RPN2: variants seen among roughly 807,000 people sequenced by gnomAD.
RPN2 encodes ribophorin II.
In RPN2, 29 loss-of-function variants were observed where a neutral mutation model predicts 71.4. The observed-to-expected ratio is 0.41, with a 90% CI of 0.30 to 0.55. The LOEUF is 0.55. RPN2 is among the 20% of genes least tolerant of loss of function. RPN2 has a pLI of 0.35. For synonymous variants in RPN2, 308 were observed against 305.0 expected (o/e 1.01, Z -0.10); for missense variants, 726 against 774.1 (o/e 0.94, Z 0.74).
chr20:37,196,660 G>A (rs755490126), intron 2 of RPN2, among the ~76,000 whole-genome samples: 9 of 152,098 alleles, frequency 5.9e-5, no homozygotes, highest in Admixed American at 3.9e-4. Context: ...GATTACAGGC[G>A]TGAGCCACTG....
intron 9 of RPN2, among the ~76,000 whole-genome samples, chr20:37,221,321 G>C (rs2067951852): frequency 6.6e-6 from 1 of 150,656 alleles, no homozygotes; most frequent in Non-Finnish European, 1.5e-5. Flanking sequence ...TCAGCCTCCT[G>C]AGTAGCTGGG....
At position 37,232,457 on chromosome 20, in the gene RPN2, C is replaced by T. The variant is rs2068279511; in HGVS notation, c.1677+66C>T. 1.1e-5 allele frequency: 17 copies of T among 1,573,570 alleles called. No homozygotes were observed. The East Asian group carries it at 2.9e-4, about 27-fold the overall frequency. ...CCAGACCCAGCAGATGCATTCCTTC[C>T]AAAGGAGGCTGTGTTGTCTGGCCTC... is the stretch of plus-strand genomic sequence containing the variant. On this transcript the variant is annotated intron_variant, in intron 14 of 16. Coordinates refer to ENST00000237530, the MANE Select transcript of RPN2 (RefSeq NM_002951.5).
chr20:37,198,364 A>G (rs368984507), intron 2 of RPN2, 33 bp from the exon 3 acceptor site: 146 of 1,614,044 alleles, frequency 9.0e-5, no homozygotes, highest in Non-Finnish European at 1.2e-4. Context: ...TACATGTGTC[A>G]CCACTTAACA....
chr20:37,207,129 C>T, intron 6 of RPN2, 144 bp from the exon 7 acceptor site: 1 of 685,744 alleles, frequency 1.5e-6, no homozygotes, highest in Non-Finnish European at 2.6e-6. Context: ...TTTGCGTTTT[C>T]TCCATCTACG....
Position 37,241,458 on chromosome 20 carries a change from T to C in RPN2, c.*143T>C. The C allele has an allele frequency of 1.0e-6, 1 of 991,184 alleles. No homozygotes were observed. The highest frequency in any genetic ancestry group is 2.3e-5 in the Admixed American group (1 of 42,914). The allele number at this position is 991,184 out of a possible 1,614,324, so 61.4% of individuals were successfully genotyped here. A position where few individuals can be genotyped will look rare whatever the true frequency, so the allele number is the denominator to read the frequency against. On this transcript the variant is annotated 3_prime_UTR_variant, in exon 17 of 17. Transcript: ENST00000237530. Reference sequence around the variant, plus strand: ...CAGATTGTAGTTATACTTTTGCTTGTTTTTCAGTTTCCCCAACACACAGCA... The same window carrying C: ...CAGATTGTAGTTATACTTTTGCTTGCTTTTCAGTTTCCCCAACACACAGCA...
intron 4 of RPN2, among the ~76,000 whole-genome samples, chr20:37,199,833 T>C (rs1384609366): frequency 6.6e-6 from 1 of 152,130 alleles, no homozygotes; most frequent in Admixed American, 6.6e-5. Context: ...ATATGTAGTT[T>C]TAAATTTTTA....
intron 15 of RPN2, 32 bp downstream of exon 15, chr20:37,234,127 C>A: frequency 2.5e-6 from 4 of 1,607,824 alleles, no homozygotes; most frequent in Non-Finnish European, 3.4e-6. Context: ...TTACCTGTAA[C>A]GTCCTCTGAC....
chr20:37,232,328 C>A lies in RPN2; in HGVS notation c.1614C>A (p.Pro538=), dbSNP rs778068662. 2 of 1,614,210 alleles carry A rather than the reference C, an allele frequency of 1.2e-6. No individual in the cohort carries two copies. The highest frequency in any genetic ancestry group is 1.7e-6 in the Non-Finnish European group (2 of 1,180,032). ...HLFREPEKRP[P]TVVSNTFTAL... is the part of the protein sequence containing the mutation. ...TCCGCGAGCCTGAGAAGAGGCCCCC[C>A]ACCGTGGTGTCCAATACATTCACTG... The change falls in exon 14 of 17, where the codon CCC becomes CCA. Residue 538 remains proline (P), a synonymous_variant. Transcript: ENST00000237530.
chr20:37,213,870 G>C lies in RPN2; in HGVS notation c.1092+5G>C. On this transcript the variant is annotated splice_donor_5th_base_variant and intron_variant, in intron 9 of 16. Transcript: ENST00000237530. ...TATATTGCAAATACCGTAGAGGTAG[G>C]TGTTTTTCTTTCCTTCCCATTGCCA... 6.2e-7 allele frequency: 1 copy of C among 1,605,026 alleles called. No individual in the cohort carries two copies. The highest frequency in any genetic ancestry group is 8.5e-7 in the Non-Finnish European group (1 of 1,171,618).
intron 1 of RPN2, among the ~76,000 whole-genome samples, chr20:37,182,240 C>T (rs1568956021): frequency 6.6e-6 from 1 of 151,776 alleles, no homozygotes; most frequent in Admixed American, 6.6e-5. Flanking sequence ...ATTACAGGCA[C>T]CCACCATCAC....
chr20:37,192,558 G>C (rs1017351999), intron 2 of RPN2, among the ~76,000 whole-genome samples: 4 of 152,202 alleles, frequency 2.6e-5, no homozygotes, highest in African/African-American at 4.8e-5. Flanking sequence ...CAAATATATA[G>C]TGAGTTTCTG....
Position 37,210,177 on chromosome 20 carries a change from T to G in RPN2, c.986+12T>G. 1.2e-6 allele frequency: 2 copies of G among 1,613,638 alleles called. No individual in the cohort carries two copies. The highest frequency in any genetic ancestry group is 1.7e-6 in the Non-Finnish European group (2 of 1,179,954). On this transcript the variant is annotated intron_variant, in intron 8 of 16. Transcript: ENST00000237530. ...TTCACCCCTGTAGGGTAAGTCCTGA[T>G]CATATTTTGGTGGGGCGCTGACCTC... is the stretch of plus-strand genomic sequence containing the variant.
At chr20:37,205,875 A>T (rs575653439) in intron 6 of RPN2, among the ~76,000 whole-genome samples, 1 of 152,184 alleles carries the variant, frequency 6.6e-6, no homozygotes, top group East Asian at 1.9e-4. Context: ...ATGATATTGT[A>T]CTTATACAAC....
chr20:37,228,977 C>CTTACT (rs67932634), intron 12 of RPN2, among the ~76,000 whole-genome samples: 1 of 6,558 alleles, frequency 1.5e-4, no homozygotes, highest in Non-Finnish European at 3.9e-4. Flanking sequence ...GAAGTATAAA[C>CTTACT]TTTGTGAGTG....
chr20:37,201,178 C>T (rs1240309265), intron 4 of RPN2, among the ~76,000 whole-genome samples: 1 of 151,108 alleles, frequency 6.6e-6, no homozygotes. Flanking sequence ...AACGGAGTTC[C>T]TTTTCTGGAC....
chr20:37,179,623 G>C lies in RPN2; in HGVS notation c.13+254G>C, dbSNP rs1156541671. ...CTACGGGTCGCCCCGAGGCTCAGCC[G>C]TGGGGACCGCGGACGCGCTTAGCCT... On this transcript the variant is annotated intron_variant, in intron 1 of 16. Coordinates refer to ENST00000237530, the MANE Select transcript of RPN2 (RefSeq NM_002951.5). 4 of 892,614 alleles carry C rather than the reference G, an allele frequency of 4.5e-6. No individual in the cohort carries two copies. The Admixed American group carries it at 1.4e-4, about 31-fold the overall frequency. The allele number at this position is 892,614 out of a possible 1,614,324, so 55.3% of individuals were successfully genotyped here.
intron 4 of RPN2, chr20:37,200,551 G>C (rs1334017912): frequency 5.9e-6 from 3 of 512,482 alleles, no homozygotes; most frequent in Non-Finnish European, 1.2e-5. Flanking sequence ...AGGTTTTTTT[G>C]TTTGTTTTTT....
At chr20:37,180,572 A>C (rs997601467) in intron 1 of RPN2, among the ~76,000 whole-genome samples, 1 of 152,218 alleles carries the variant, frequency 6.6e-6, no homozygotes, top group Admixed American at 6.5e-5. Flanking sequence ...GGAAAATGCT[A>C]GTCGCAGCCA....
intron 15 of RPN2, among the ~76,000 whole-genome samples, chr20:37,235,631 TC>T (rs1309940269): frequency 6.6e-6 from 1 of 152,164 alleles, no homozygotes; most frequent in East Asian, 1.9e-4. Flanking sequence ...TTTATTTATA[TC>T]CTGTTTATTT....
Sources: gnomAD v4.1 joint callset for allele counts (sites outside exome capture counted in the v4.1 genomes callset) on GRCh38, gnomAD v4.1.1 for gene constraint, MANE v1.5 for transcripts, NCBI Gene and HGNC (gene_info 2026-07-23, HGNC 2026-07-21) for gene names.